FAF1: variants seen among roughly 807,000 people sequenced by gnomAD.
The protein encoded by FAF1 is Fas associated factor 1.
In FAF1, 25 loss-of-function variants were observed where a neutral mutation model predicts 92.5. That is an observed-to-expected ratio of 0.27 (90% CI 0.20 to 0.38). The LOEUF is 0.38. Among genes scored for constraint, FAF1 ranks in the 10% least tolerant of loss-of-function variants. The pLI is 1.00. For synonymous variants in FAF1, 234 were observed against 273.2 expected (o/e 0.86, Z 1.42); for missense variants, 636 against 793.3 (o/e 0.80, Z 2.38).
At chr1:50,647,020 T>C (rs898707188) in intron 8 of FAF1, among the ~76,000 whole-genome samples, 1 of 152,076 alleles carries the variant, frequency 6.6e-6, no homozygotes, top group Non-Finnish European at 1.5e-5. Flanking sequence ...TAATTTTTTT[T>C]GTATTTTTAG....
intron 4 of FAF1, among the ~76,000 whole-genome samples, chr1:50,752,109 A>G (rs942849777): frequency 6.6e-6 from 1 of 152,170 alleles, no homozygotes; most frequent in Non-Finnish European, 1.5e-5. Context: ...AGTTGGGACT[A>G]CAGGCGCGTG....
At chr1:50,566,556 T>G (rs1457032072) in intron 13 of FAF1, among the ~76,000 whole-genome samples, 1 of 152,100 alleles carries the variant, frequency 6.6e-6, no homozygotes, top group East Asian at 1.9e-4. Flanking sequence ...GGAATTTTTT[T>G]TTCCCTATTG....
intron 3 of FAF1, among the ~76,000 whole-genome samples, chr1:50,794,715 C>G (rs909234080): frequency 1.3e-5 from 2 of 152,090 alleles, no homozygotes; most frequent in African/African-American, 2.4e-5. Context: ...CCTCTGCCTC[C>G]CAGGTTCAAG....
chr1:50,847,885 A>ATC (rs1357532675), intron 2 of FAF1, among the ~76,000 whole-genome samples: 2 of 151,520 alleles, frequency 1.3e-5, no homozygotes, highest in African/African-American at 2.4e-5. Context: ...AAATGCACAC[A>ATC]TATACACACA....
intron 15 of FAF1, among the ~76,000 whole-genome samples, chr1:50,501,205 C>T (rs892667639): frequency 3.3e-5 from 5 of 152,124 alleles, no homozygotes; most frequent in African/African-American, 9.7e-5. Context: ...AATAAAAGGA[C>T]CCCAATTTTA....
rs115363550 is a variant in FAF1 at position 50,754,364 on chromosome 1, T to C, written c.368-9589A>G. Among the ~76,000 whole-genome samples, 1,208 of 152,348 alleles carry C rather than the reference T, an allele frequency of 7.9e-3. 12 individuals are homozygous for C. Among genetic ancestry groups the C allele is most frequent in the African/African-American group, 0.027 (1,139 of 41,578 alleles). On this transcript the variant is annotated intron_variant, in intron 4 of 18. Transcript: ENST00000396153. ...ATCTTGTACTAGTACTCTCCACCAC[T>C]GAGGAAAGATCCTTCTGAGTAGTGT...
At chr1:50,524,453 T>A (rs1647682806) in intron 15 of FAF1, among the ~76,000 whole-genome samples, 1 of 152,216 alleles carries the variant, frequency 6.6e-6, no homozygotes, top group African/African-American at 2.4e-5. Context: ...TCATGAAGGC[T>A]TTGCCCATGC....
At chr1:50,875,698 C>G (rs995197333) in intron 1 of FAF1, among the ~76,000 whole-genome samples, 1 of 152,154 alleles carries the variant, frequency 6.6e-6, no homozygotes, top group East Asian at 1.9e-4. Flanking sequence ...TGATCCACCC[C>G]CCTCGGCCTT....
At chr1:50,923,985 G>A (rs1370108907) in intron 1 of FAF1, among the ~76,000 whole-genome samples, 1 of 152,150 alleles carries the variant, frequency 6.6e-6, no homozygotes, top group Non-Finnish European at 1.5e-5. Flanking sequence ...GGGAGAAACT[G>A]AAACACTTTA....
chr1:50,864,825 C>A (rs1410402852), intron 1 of FAF1, among the ~76,000 whole-genome samples: 5 of 151,996 alleles, frequency 3.3e-5, no homozygotes, highest in Middle Eastern at 3.2e-3. Context: ...GCAACAAAAG[C>A]CAAAATTGAC....
At chr1:50,657,491 G>A (rs2124300983) in intron 7 of FAF1, among the ~76,000 whole-genome samples, 1 of 152,104 alleles carries the variant, frequency 6.6e-6, no homozygotes, top group African/African-American at 2.4e-5. Flanking sequence ...GAGCCCAGCA[G>A]ATAGAGGCAG....
chr1:50,771,174 T>G (rs1036579706), intron 4 of FAF1, among the ~76,000 whole-genome samples: 1 of 152,190 alleles, frequency 6.6e-6, no homozygotes, highest in Non-Finnish European at 1.5e-5. Context: ...GAAGATACCA[T>G]TCTGGACATA....
At chr1:50,922,478 A>G (rs866698178) in intron 1 of FAF1, among the ~76,000 whole-genome samples, 95 of 146,172 alleles carry the variant, frequency 6.5e-4, no homozygotes, top group African/African-American at 2.4e-3. Context: ...AAAAAAAAAA[A>G]AAAAGAAAAG....
chr1:50,591,161 G>A (rs1651483937), intron 9 of FAF1, among the ~76,000 whole-genome samples: 2 of 152,176 alleles, frequency 1.3e-5, no homozygotes, highest in Non-Finnish European at 2.9e-5. Context: ...GGTGTTGAAT[G>A]TTACCAAATG....
chr1:50,614,413 G>A (rs1652814498), intron 8 of FAF1, among the ~76,000 whole-genome samples: 1 of 151,790 alleles, frequency 6.6e-6, no homozygotes, highest in Admixed American at 6.6e-5. Context: ...AGAGTTAAGG[G>A]GGGAAAAAAA....
chr1:50,678,776 CAAAAAAAA>C (rs58946586), intron 7 of FAF1, among the ~76,000 whole-genome samples: 903 of 13,862 alleles, frequency 0.065, 22 homozygotes, highest in African/African-American at 0.16. Context: ...GACTCCATCT[CAAAAAAAA>C]AAAAAAAAAA....
chr1:50,767,610 C>A (rs1660625571), intron 4 of FAF1, among the ~76,000 whole-genome samples: 1 of 152,116 alleles, frequency 6.6e-6, no homozygotes, highest in African/African-American at 2.4e-5. Context: ...TAACAGTGTA[C>A]CTTTTGGCAG....
chr1:50,450,241 C>T (rs963321217), intron 18 of FAF1, among the ~76,000 whole-genome samples: 1 of 151,250 alleles, frequency 6.6e-6, no homozygotes. Flanking sequence ...AGGTGCTAGG[C>T]ACTAGGCTAG....
intron 15 of FAF1, among the ~76,000 whole-genome samples, chr1:50,526,858 C>CTT (rs576252370): frequency 2.1e-5 from 3 of 142,662 alleles, no homozygotes; most frequent in African/African-American, 7.6e-5. Context: ...TACCTGACGA[C>CTT]TTTTTTTTTT....
Sources: gnomAD v4.1 joint callset for allele counts (sites outside exome capture counted in the v4.1 genomes callset) on GRCh38, gnomAD v4.1.1 for gene constraint, MANE v1.5 for transcripts, NCBI Gene and HGNC (gene_info 2026-07-23, HGNC 2026-07-21) for gene names.